Variants in CARMIL1 observed in about 807,000 individuals in gnomAD.
CARMIL1 encodes the protein F-actin-uncapping protein LRRC16A.
A neutral mutation model predicts 177.1 loss-of-function variants in CARMIL1; 90 were observed. That is an observed-to-expected ratio of 0.51 (90% CI 0.43 to 0.61). The LOEUF (loss-of-function observed/expected upper bound fraction) is 0.61. Ranked by LOEUF, CARMIL1 falls within the 20% of genes least tolerant of loss-of-function variation. The pLI, the probability that CARMIL1 is intolerant of heterozygous loss-of-function variation, is 0.00. For missense variants in CARMIL1, 1,380 were observed against 1,667.0 expected (o/e 0.83, Z 3.00); for synonymous variants, 577 against 606.2 (o/e 0.95, Z 0.71).
At chr6:25,349,003 A>T (rs772001438) in intron 2 of CARMIL1, among the ~76,000 whole-genome samples, 2 of 152,186 alleles carry the variant, frequency 1.3e-5, no homozygotes, top group Non-Finnish European at 2.9e-5. Flanking sequence ...ATGTATTTGT[A>T]TGATTATTGT....
intron 17 of CARMIL1, among the ~76,000 whole-genome samples, chr6:25,508,323 T>C (rs1805122005): frequency 6.6e-6 from 1 of 152,204 alleles, no homozygotes; most frequent in African/African-American, 2.4e-5. Context: ...CCCTGAAGTA[T>C]GTAGACCAGT....
Position 25,390,320 on chromosome 6 carries a change from ATTT to A in CARMIL1, c.139-29777_139-29775del, listed in dbSNP as rs1287414586. Among the ~76,000 whole-genome samples, 412 of 58,002 alleles carry A rather than the reference ATTT, an allele frequency of 7.1e-3. 4 individuals are homozygous for A. The highest frequency in any genetic ancestry group is 0.029 in the East Asian group (58 of 2,034). 38.1% of individuals were successfully genotyped at this position (58,002 alleles called of 152,430 possible). On this transcript the variant is annotated intron_variant, in intron 2 of 36. Coordinates refer to ENST00000329474, the MANE Select transcript of CARMIL1 (RefSeq NM_017640.6). Reference sequence around the variant, plus strand: ...TATATATATATATATATATATATATATTTTTTTTTTTTTTTTTTTGAGACAGGG... The same window carrying A: ...TATATATATATATATATATATATATATTTTTTTTTTTTTTTTGAGACAGGG...
At chr6:25,607,083 G>A (rs1412930936) in intron 35 of CARMIL1, among the ~76,000 whole-genome samples, 5 of 151,718 alleles carry the variant, frequency 3.3e-5, no homozygotes, top group African/African-American at 1.2e-4. Context: ...AGGAATTTAG[G>A]CTGTGATCAC....
In CARMIL1 at chr6:25,540,029, T is replaced by C; in HGVS notation, c.2279T>C (p.Leu760Pro). The C allele has an allele frequency of 6.2e-7, 1 of 1,609,990 alleles. No homozygotes were observed. The highest frequency in any genetic ancestry group is 8.5e-7 in the Non-Finnish European group (1 of 1,178,216). Residue 760 changes from leucine to proline, a missense_variant, in exon 26 of 37, where the codon CTG becomes CCG. Transcript: ENST00000329474. The stretch of plus-strand genomic sequence containing the variant: ...CTATCCAGTCCAATTCAGGAGACCC[T>C]GGAATCAATGGCTGGAGAAGTTACA... Reference protein sequence around the residue: ...GLLSSPIQETLESMAGEVTRV... With the variant: ...GLLSSPIQETPESMAGEVTRV...
chr6:25,544,474 T>C (rs1809231892), intron 26 of CARMIL1, among the ~76,000 whole-genome samples: 1 of 151,934 alleles, frequency 6.6e-6, no homozygotes, highest in Non-Finnish European at 1.5e-5. Context: ...GACAATGAAA[T>C]AATACTTTAA....
intron 12 of CARMIL1, among the ~76,000 whole-genome samples, chr6:25,487,216 T>C (rs1382446171): frequency 6.6e-6 from 1 of 152,124 alleles, no homozygotes; most frequent in Non-Finnish European, 1.5e-5. Context: ...CGTTCTAAGC[T>C]CACAGCAGGG....
chr6:25,536,329 C>G (rs1342054704), intron 24 of CARMIL1, among the ~76,000 whole-genome samples: 6 of 152,076 alleles, frequency 3.9e-5, no homozygotes, highest in African/African-American at 1.4e-4. Flanking sequence ...TGTGTAAATG[C>G]AGAAAGATAT....
Position 25,604,774 on chromosome 6 carries a change from T to A in CARMIL1, c.3553-38T>A, listed in dbSNP as rs1318045655. 1.5e-5 allele frequency: 22 copies of A among 1,460,616 alleles called. No individual in the cohort carries two copies. The Admixed American group carries it at 4.3e-4, about 29-fold the overall frequency. The allele number at this position is 1,460,616 out of a possible 1,614,324, so 90.5% of individuals were successfully genotyped here. On this transcript the variant is annotated intron_variant, in intron 33 of 36. Coordinates refer to ENST00000329474, the MANE Select transcript of CARMIL1 (RefSeq NM_017640.6). ...TTTTTTCACTTTTGCATTAAATAAATGTGCACTTTTTGGGGGGATGGTGCT... is the reference window on the plus strand; with the variant it reads ...TTTTTTCACTTTTGCATTAAATAAAAGTGCACTTTTTGGGGGGATGGTGCT...
At chr6:25,546,693 T>C (rs1809525890) in intron 26 of CARMIL1, among the ~76,000 whole-genome samples, 1 of 145,150 alleles carries the variant, frequency 6.9e-6, no homozygotes, top group African/African-American at 2.5e-5. Flanking sequence ...AAAAAAAAAT[T>C]GTGTTTCTAT....
In CARMIL1 at chr6:25,483,114, A is replaced by T. The variant is rs894194435; in HGVS notation, c.961+771A>T. 8.5e-5 allele frequency among the ~76,000 whole-genome samples: 13 copies of T among 152,212 alleles called. 1 individual carries two copies. The South Asian group carries it at 1.4e-3, about 17-fold the overall frequency. On this transcript the variant is annotated intron_variant, in intron 12 of 36. Coordinates refer to ENST00000329474, the MANE Select transcript of CARMIL1 (RefSeq NM_017640.6). The stretch of plus-strand genomic sequence containing the variant: ...ATTACTTCAAGATCACATATGTAAC[A>T]TTATTGCATAAATATTGTGTCTTTC...
chr6:25,310,264 A>G (rs1561966325), intron 2 of CARMIL1, among the ~76,000 whole-genome samples: 1 of 152,184 alleles, frequency 6.6e-6, no homozygotes, highest in Non-Finnish European at 1.5e-5. Context: ...ATCATATACC[A>G]TGAGAACATA....
intron 2 of CARMIL1, among the ~76,000 whole-genome samples, chr6:25,390,619 G>A (rs954143720): frequency 2.0e-5 from 3 of 151,888 alleles, no homozygotes; most frequent in Non-Finnish European, 4.4e-5. Flanking sequence ...ACTGCATCCC[G>A]CCTAGATTTT....
intron 2 of CARMIL1, among the ~76,000 whole-genome samples, chr6:25,407,173 G>T (rs773355956): frequency 6.6e-6 from 1 of 152,152 alleles, no homozygotes; most frequent in Non-Finnish European, 1.5e-5. Context: ...TGAATTGGAG[G>T]CAGGAATATG....
intron 5 of CARMIL1, among the ~76,000 whole-genome samples, chr6:25,441,226 G>A (rs533680493): frequency 8.6e-5 from 13 of 151,588 alleles, no homozygotes; most frequent in African/African-American, 3.1e-4. Flanking sequence ...CTTGAGCCCA[G>A]GAGTTTGAAC....
chr6:25,476,301 T>C (rs1373580225), intron 11 of CARMIL1, among the ~76,000 whole-genome samples: 1 of 152,190 alleles, frequency 6.6e-6, no homozygotes. Context: ...CATGAATCAT[T>C]CCAAGGATAG....
At chr6:25,452,244 T>A (rs748260975) in intron 8 of CARMIL1, 16 of 763,602 alleles carry the variant, frequency 2.1e-5, no homozygotes, top group South Asian at 2.0e-4. Context: ...TTTTCCTGCT[T>A]AGAGCAGTTC....
intron 2 of CARMIL1, among the ~76,000 whole-genome samples, chr6:25,385,732 T>TA (rs1215492362): frequency 6.6e-6 from 1 of 152,154 alleles, no homozygotes; most frequent in Non-Finnish European, 1.5e-5. Flanking sequence ...AGCACTAACA[T>TA]AAAAAATGGC....
chr6:25,404,976 A>G (rs1794238017), intron 2 of CARMIL1, among the ~76,000 whole-genome samples: 2 of 152,152 alleles, frequency 1.3e-5, no homozygotes, highest in South Asian at 4.1e-4. Context: ...CTGGGTTGCT[A>G]ATTTCTACAT....
intron 13 of CARMIL1, among the ~76,000 whole-genome samples, chr6:25,490,942 G>T (rs1372854146): frequency 6.6e-6 from 1 of 152,152 alleles, no homozygotes; most frequent in African/African-American, 2.4e-5. Context: ...GTATCCAGTG[G>T]CATCCAGTGA....
Sources: gnomAD v4.1 joint callset for allele counts (sites outside exome capture counted in the v4.1 genomes callset) on GRCh38, gnomAD v4.1.1 for gene constraint, MANE v1.5 for transcripts, NCBI Gene and HGNC (gene_info 2026-07-23, HGNC 2026-07-21) for gene names.